MEI1: variants seen among roughly 807,000 people sequenced by gnomAD.
MEI1 encodes meiosis inhibitor protein 1.
MEI1 carries 103 observed loss-of-function variants against 146.2 expected under a neutral mutation model. The ratio of observed to expected loss-of-function variants is 0.70; its 90% CI spans 0.60 to 0.83. The LOEUF (loss-of-function observed/expected upper bound fraction) is 0.83, where lower values mean the gene tolerates loss of function less well. Ranked by LOEUF, MEI1 falls within the 40% of genes least tolerant of loss-of-function variation. The pLI is 0.00. For synonymous variants in MEI1, 652 were observed against 628.2 expected, an observed-to-expected ratio of 1.04 and a Z score of -0.57; for missense variants, 1,529 against 1,533.0, an observed-to-expected ratio of 1.00 and a Z score of 0.04.
At chr22:41,765,318 A>T (rs972127984) in intron 19 of MEI1, among the ~76,000 whole-genome samples, 1 of 151,966 alleles carries the variant, frequency 6.6e-6, no homozygotes. Context: ...GCCCAGCCAG[A>T]AAATTTTTAA....
intron 7 of MEI1, among the ~76,000 whole-genome samples, chr22:41,728,209 C>G (rs193261484): frequency 2.0e-5 from 3 of 152,148 alleles, no homozygotes; most frequent in Non-Finnish European, 2.9e-5. Flanking sequence ...GTTCAAGGGT[C>G]AACTGTTCAT....
At chr22:41,758,789 A>G (rs1601968150) in intron 18 of MEI1, among the ~76,000 whole-genome samples, 1 of 152,322 alleles carries the variant, frequency 6.6e-6, no homozygotes, top group East Asian at 1.9e-4. Context: ...TTGTTTGTCC[A>G]CAGAAAAAAA....
chr22:41,740,336 GACTTTA>G (rs1158195781), intron 11 of MEI1, among the ~76,000 whole-genome samples: 3 of 151,688 alleles, frequency 2.0e-5, no homozygotes, highest in Admixed American at 2.0e-4. Context: ...TTTTACTTTT[GACTTTA>G]ACTTCCCAGA....
chr22:41,737,490 C>T (rs771663814), intron 11 of MEI1, among the ~76,000 whole-genome samples: 48 of 151,916 alleles, frequency 3.2e-4, no homozygotes, highest in South Asian at 1.2e-3. Flanking sequence ...CTGCCTGCCT[C>T]GGCCTTCCAA....
Position 41,795,457 on chromosome 22 carries a change from G to C in MEI1, c.3581G>C (p.Gly1194Ala). ...SSSVLSHEEVGDVLQGVALAD... is the reference protein window; with the variant it reads ...SSSVLSHEEVADVLQGVALAD... Reference sequence around the variant, plus strand: ...AGTGTCCTCTCTCATGAAGAGGTGGGTGATGTTCTGCAAGGTGTGGCTTTG... The same window carrying C: ...AGTGTCCTCTCTCATGAAGAGGTGGCTGATGTTCTGCAAGGTGTGGCTTTG... Residue 1194 changes from glycine to alanine, a missense_variant, in exon 29 of 31, where the codon GGT (glycine) becomes GCT (alanine). Gly to Ala is a moderately conservative substitution (Grantham distance 60, BLOSUM62 0). This residue lies in a region of MEI1 where 313 missense variants were observed against 337.3 expected (regional missense o/e 0.93). Coordinates refer to ENST00000401548, the MANE Select transcript of MEI1 (RefSeq NM_152513.4). The surrounding 1 kb of genome is among the most constrained non-coding windows in gnomAD (Gnocchi z 4.2). 2 of 1,613,746 alleles carry C rather than the reference G, an allele frequency of 1.2e-6. No individual in the cohort carries two copies. The highest frequency in any genetic ancestry group is 1.7e-6 in the Non-Finnish European group (2 of 1,179,842).
intron 11 of MEI1, among the ~76,000 whole-genome samples, chr22:41,734,347 C>T (rs1436367310): frequency 6.6e-6 from 1 of 152,054 alleles, no homozygotes; most frequent in Non-Finnish European, 1.5e-5. Flanking sequence ...AATCCCAGCA[C>T]TTTGGGAGGC....
chr22:41,740,727 C>CCCAAAA (rs2072786207), intron 11 of MEI1, among the ~76,000 whole-genome samples: 1 of 148,206 alleles, frequency 6.7e-6, no homozygotes, highest in African/African-American at 2.6e-5. Context: ...GAGACCCTGT[C>CCCAAAA]TCAAAAACAA....
chr22:41,732,439 C>T, intron 10 of MEI1, 30 bp from the exon 11 acceptor site: 2 of 1,613,636 alleles, frequency 1.2e-6, no homozygotes, highest in South Asian at 2.2e-5. Flanking sequence ...GAAGAGTTCA[C>T]CTACTCGTTT....
At position 41,770,966 on chromosome 22, in the gene MEI1, G is replaced by T. The variant is rs895761176; in HGVS notation, c.2544+5G>T. On this transcript the variant is annotated splice_donor_5th_base_variant and intron_variant, in intron 20 of 30. Coordinates refer to ENST00000401548, the MANE Select transcript of MEI1 (RefSeq NM_152513.4). ...AGCATCCTGCTCATCTTGCTGGTAGGCAACCACTCATTCATTTCTACATTC... is the reference window on the plus strand; with the variant it reads ...AGCATCCTGCTCATCTTGCTGGTAGTCAACCACTCATTCATTTCTACATTC... The T allele has an allele frequency of 2.5e-6, 4 of 1,611,718 alleles. No individual in the cohort carries two copies. The highest frequency in any genetic ancestry group is 1.6e-4 in the Middle Eastern group (1 of 6,070).
intron 6 of MEI1, among the ~76,000 whole-genome samples, chr22:41,718,953 C>G (rs1254365611): frequency 6.6e-6 from 1 of 150,926 alleles, no homozygotes; most frequent in Non-Finnish European, 1.5e-5. Context: ...CTCACTGCAA[C>G]CTCTACCTCC....
chr22:41,770,552 T>G (rs895156230), intron 19 of MEI1, 134 bp from the exon 20 acceptor site: 2 of 792,310 alleles, frequency 2.5e-6, no homozygotes, highest in Non-Finnish European at 3.9e-6. Context: ...CTAAAGTGCC[T>G]TGGGATGAGC....
At chr22:41,758,228 G>A (rs1311089203) in intron 17 of MEI1, 137 bp from the exon 18 acceptor site, 1 of 706,220 alleles carries the variant, frequency 1.4e-6, no homozygotes, top group Non-Finnish European at 2.1e-6. Flanking sequence ...AGGAGCCTCT[G>A]ATTTCCTTAT....
Position 41,795,933 on chromosome 22 carries a change from C to T in MEI1, c.3779+86C>T, listed in dbSNP as rs1322505024. 26 of 1,611,052 alleles carry T rather than the reference C, an allele frequency of 1.6e-5. No homozygotes were observed. The highest frequency in any genetic ancestry group is 2.0e-5 in the Non-Finnish European group (24 of 1,178,986). ...CTTCCTGGGCCAGTTTATGCGGTACCGGAGTAGCAGTGTCCTCTCTCATGA... is the reference window on the plus strand; with the variant it reads ...CTTCCTGGGCCAGTTTATGCGGTACTGGAGTAGCAGTGTCCTCTCTCATGA... On this transcript the variant is annotated intron_variant, in intron 30 of 30. Coordinates refer to ENST00000401548, the MANE Select transcript of MEI1 (RefSeq NM_152513.4). The surrounding 1 kb of genome is among the most constrained non-coding windows in gnomAD (Gnocchi z 4.2).
At chr22:41,749,541 C>T (rs2073599075) in intron 15 of MEI1, among the ~76,000 whole-genome samples, 1 of 152,198 alleles carries the variant, frequency 6.6e-6, no homozygotes, top group African/African-American at 2.4e-5. Flanking sequence ...TCCCAAAGTG[C>T]TGGGGTTACA....
chr22:41,710,223 A>G (rs919257265), intron 3 of MEI1, among the ~76,000 whole-genome samples: 2 of 152,170 alleles, frequency 1.3e-5, no homozygotes, highest in Admixed American at 6.6e-5. Flanking sequence ...TCTGCAAGCC[A>G]GGAAGAGAGG....
intron 15 of MEI1, among the ~76,000 whole-genome samples, chr22:41,749,024 T>C (rs555783264): frequency 5.9e-5 from 9 of 152,264 alleles, no homozygotes; most frequent in Admixed American, 2.6e-4. Context: ...CAGGATGGTC[T>C]CGATCTCCTG....
chr22:41,716,289 C>CTGCAAAAATATGTATGTCTGCAAAATA (rs2070145537), intron 5 of MEI1, 143 bp downstream of exon 5: 3 of 557,564 alleles, frequency 5.4e-6, no homozygotes, highest in African/African-American at 1.9e-5. Flanking sequence ...GCAAAATGTA[C>CTGCAAAAATATGTATGTCTGCAAAATA]TGTATGTCGG....
chr22:41,714,741 C>T (rs1459443454), intron 4 of MEI1, among the ~76,000 whole-genome samples: 7 of 151,080 alleles, frequency 4.6e-5, no homozygotes, highest in East Asian at 3.9e-4. Flanking sequence ...ATTAGCTGGG[C>T]GTGGTGGTGC....
At chr22:41,754,102 GTGCCT>G (rs1166518070) in intron 17 of MEI1, 56 bp downstream of exon 17, 1 of 1,308,356 alleles carries the variant, frequency 7.6e-7, no homozygotes, top group African/African-American at 1.5e-5. Context: ...TAGAGTCTGG[GTGCCT>G]TGCTGATTGA....
Sources: allele counts gnomAD v4.1 joint callset (sites outside exome capture counted in the v4.1 genomes callset), GRCh38; gene constraint gnomAD v4.1.1; regional missense constraint gnomAD v4.1.1; non-coding constraint Gnocchi (gnomAD v3.1); transcripts MANE v1.5; gene names NCBI Gene and HGNC (gene_info 2026-07-23, HGNC 2026-07-21).